Variants in HOXA1 observed in about 807,000 individuals in gnomAD.
HOXA1 encodes the protein homeobox A1.
HOXA1 carries 21 observed loss-of-function variants against 28.3 expected under a neutral mutation model. That is an observed-to-expected ratio of 0.74 (90% CI 0.53 to 1.07). The LOEUF is 1.07. Ranked by LOEUF, HOXA1 falls within the 50% of genes least tolerant of loss-of-function variation. The probability of loss-of-function intolerance (pLI) is 0.00; values close to 1 mark genes in which losing one functional copy is unlikely to be tolerated. For missense variants in HOXA1, 446 were observed against 434.3 expected, an observed-to-expected ratio of 1.03 and a Z score of -0.24; for synonymous variants, 208 against 181.2, an observed-to-expected ratio of 1.15 and a Z score of -1.19.
rs1239001756 is a variant in HOXA1 at position 27,094,538 on chromosome 7, C to T, written c.910G>A (p.Asp304Asn). The T allele has an allele frequency of 1.2e-6, 2 of 1,614,094 alleles. No individual in the cohort carries two copies. The highest frequency in any genetic ancestry group is 1.7e-5 in the Admixed American group (1 of 60,010). Residue 304 changes from aspartate (D) to asparagine (N), a missense_variant, in exon 2 of 2, where the codon GAC becomes AAC. Transcript: ENST00000643460. ...PISPATPPGN[D>N]EKAEESSEKS... ...TCTGAGGATTCCTCGGCCTTCTCGT[C>T]GTTTCCTGGCGGGGTGGCCGGAGAG...
In HOXA1 at chr7:27,094,812, A is replaced by G; in HGVS notation, c.653-17T>C. 1 of 1,592,594 alleles carries G rather than the reference A, an allele frequency of 6.3e-7. No homozygotes were observed. The highest frequency in any genetic ancestry group is 8.6e-7 in the Non-Finnish European group (1 of 1,160,968). On this transcript the variant is annotated splice_polypyrimidine_tract_variant and intron_variant, in intron 1 of 1. Coordinates refer to ENST00000643460, the MANE Select transcript of HOXA1 (RefSeq NM_005522.5). ...CAACTTTCCCTGGGGCAAAGTGGGAAGCCATGAGACGGAAATGTAAAAATT... is the reference window on the plus strand; with the variant it reads ...CAACTTTCCCTGGGGCAAAGTGGGAGGCCATGAGACGGAAATGTAAAAATT...
At position 27,095,894 on chromosome 7, in the gene HOXA1, T is replaced by C; in HGVS notation, c.19A>G (p.Asn7Asp). Residue 7 changes from asparagine (N) to aspartate (D), a missense_variant, in exon 1 of 2, where the codon AAC becomes GAC. Transcript: ENST00000643460. MDNARM[N>D]SFLEYPILSS... ...AGTATGGGGTATTCCAGGAAGGAGTTCATTCTTGCATTGTCCATCTGTCAC... is the reference window on the plus strand; with the variant it reads ...AGTATGGGGTATTCCAGGAAGGAGTCCATTCTTGCATTGTCCATCTGTCAC... 2 of 1,613,602 alleles carry C rather than the reference T, an allele frequency of 1.2e-6. 1 individual carries two copies. The highest frequency in any genetic ancestry group is 3.3e-4 in the Middle Eastern group (2 of 6,058).
In HOXA1 at chr7:27,095,236, G is replaced by A. The variant is rs550864825; in HGVS notation, c.652+25C>T. The A allele has an allele frequency of 1.3e-5, 21 of 1,611,530 alleles. No homozygotes were observed. The East Asian group carries it at 4.0e-4, about 31-fold the overall frequency. Reference sequence around the variant, plus strand: ...CAGCTCCTTCCAGAATAATCAAGGAGCATCCACCAACCAGCAGGACTGACC... The same window carrying A: ...CAGCTCCTTCCAGAATAATCAAGGAACATCCACCAACCAGCAGGACTGACC... On this transcript the variant is annotated intron_variant, in intron 1 of 1. Coordinates refer to ENST00000643460, the MANE Select transcript of HOXA1 (RefSeq NM_005522.5).
At position 27,094,657 on chromosome 7, in the gene HOXA1, G is replaced by A. The variant is rs1783775869; in HGVS notation, c.791C>T (p.Ala264Val). 4.3e-6 allele frequency: 7 copies of A among 1,614,164 alleles called. No homozygotes were observed. The highest frequency in any genetic ancestry group is 1.3e-5 in the African/African-American group (1 of 75,046). The stretch of plus-strand genomic sequence containing the variant: ...TTGGGTCTCGTTGAGCTGCAGGGAT[G>A]CAGCGATCTCCACCCTGCGGGCGCG... ...LTRARRVEIA[A>V]SLQLNETQVK... Residue 264 changes from alanine to valine, a missense_variant, in exon 2 of 2, where the codon GCA (alanine) becomes GTA (valine). Coordinates refer to ENST00000643460, the MANE Select transcript of HOXA1 (RefSeq NM_005522.5).
In HOXA1 at chr7:27,095,551, C is replaced by T; in HGVS notation, c.362G>A (p.Gly121Asp). ...YALNQEADVS[G>D]GYPQCAPAVY... ...AGCGGGAGCGCACTGGGGGTACCCA[C>T]CACTTACGTCTGCTTCCTGATTTAA... The change falls in exon 1 of 2, where the codon GGT (glycine) becomes GAT (aspartate). Residue 121 changes from glycine to aspartate, a missense_variant. Gly to Asp is a moderately conservative substitution (Grantham distance 94). Transcript: ENST00000643460. 1 of 1,614,148 alleles carries T rather than the reference C, an allele frequency of 6.2e-7. No individual in the cohort carries two copies. The highest frequency in any genetic ancestry group is 8.5e-7 in the Non-Finnish European group (1 of 1,180,042).
In HOXA1 at chr7:27,094,432, G is replaced by A. The variant is rs749201371; in HGVS notation, c.*8C>T. ...ATGCCTGGGCTGTTGTCTGGGGCTG[G>A]AGCCGCCTCAGTGGGAGGTAGTCAG... On this transcript the variant is annotated 3_prime_UTR_variant, in exon 2 of 2. Transcript: ENST00000643460. 8 of 1,600,916 alleles carry A rather than the reference G, an allele frequency of 5.0e-6. No homozygotes were observed. The South Asian group carries it at 7.7e-5, about 15-fold the overall frequency.
At position 27,094,207 on chromosome 7, in the gene HOXA1, C is replaced by T; in HGVS notation, c.*233G>A. On this transcript the variant is annotated 3_prime_UTR_variant, in exon 2 of 2. Coordinates refer to ENST00000643460, the MANE Select transcript of HOXA1 (RefSeq NM_005522.5). ...CCTAAAAGCAGGAGGGATGTTAAGG[C>T]CCACCAGAAAATGTATGCTGGCACC... 3 of 543,550 alleles carry T rather than the reference C, an allele frequency of 5.5e-6. No homozygotes were observed. The South Asian group carries it at 6.3e-5, about 11-fold the overall frequency. 33.7% of individuals were successfully genotyped at this position (543,550 alleles called of 1,614,324 possible).
chr7:27,095,709 G>A lies in HOXA1; in HGVS notation c.204C>T (p.His68=), dbSNP rs747419833. The change falls in exon 1 of 2, where the codon CAC becomes CAT. Residue 68 remains histidine (H), a synonymous_variant. Transcript: ENST00000643460. ...GCTGGGGGTGGCGATGGTGGTGGTG[G>A]TGGTGGTGGTGGGGCGAACCGATCT... The part of the protein sequence containing the change: ...GVQIGSPHHH[H]HHHHRHPQPA... 106 of 1,613,088 alleles carry A rather than the reference G, an allele frequency of 6.6e-5. No homozygotes were observed. Among genetic ancestry groups the A allele is most frequent in the South Asian group, 7.7e-5 (7 of 90,884 alleles).
In HOXA1 at chr7:27,095,886, G is replaced by A; in HGVS notation, c.27C>T (p.Phe9=). Residue 9 remains phenylalanine, a synonymous_variant, in exon 1 of 2, where the codon TTC becomes TTT. Transcript: ENST00000643460. The part of the protein sequence containing the change: MDNARMNS[F]LEYPILSSGD... ...CACTGCTAAGTATGGGGTATTCCAGGAAGGAGTTCATTCTTGCATTGTCCA... is the reference window on the plus strand; with the variant it reads ...CACTGCTAAGTATGGGGTATTCCAGAAAGGAGTTCATTCTTGCATTGTCCA... 6.2e-7 allele frequency: 1 copy of A among 1,613,728 alleles called. No homozygotes were observed. The highest frequency in any genetic ancestry group is 1.7e-5 in the Admixed American group (1 of 60,030).
chr7:27,095,718 G>A lies in HOXA1; in HGVS notation c.195C>T (p.His65=). The change falls in exon 1 of 2, where the codon CAC becomes CAT. Residue 65 remains histidine, a synonymous_variant. Transcript: ENST00000643460. ...GGCGATGGTGGTGGTGGTGGTGGTG[G>A]TGGGGCGAACCGATCTGCACCCCCC... ...VGRGVQIGSP[H]HHHHHHHRHP... The A allele has an allele frequency of 1.2e-6, 2 of 1,613,012 alleles. No homozygotes were observed. The highest frequency in any genetic ancestry group is 8.5e-7 in the Non-Finnish European group (1 of 1,179,632).
rs1350641296 is a variant in HOXA1 at position 27,095,720 on chromosome 7, G to A, written c.193C>T (p.His65Tyr). 12 of 1,613,512 alleles carry A rather than the reference G, an allele frequency of 7.4e-6. No individual in the cohort carries two copies. Among genetic ancestry groups the A allele is most frequent in the Non-Finnish European group, 9.3e-6 (11 of 1,179,850 alleles). ...VGRGVQIGSPHHHHHHHHRHP... is the reference protein window; with the variant it reads ...VGRGVQIGSPYHHHHHHHRHP... ...CGATGGTGGTGGTGGTGGTGGTGGTGGGGCGAACCGATCTGCACCCCCCTG... is the reference window on the plus strand; with the variant it reads ...CGATGGTGGTGGTGGTGGTGGTGGTAGGGCGAACCGATCTGCACCCCCCTG... The change falls in exon 1 of 2, where the codon CAC becomes TAC. Residue 65 changes from histidine to tyrosine, a missense_variant. Physicochemically the swap from His to Tyr is moderately conservative, Grantham distance 83. Transcript: ENST00000643460.
At chr7:27,095,020 T>C (rs1191744522) in intron 1 of HOXA1, among the ~76,000 whole-genome samples, 3 of 151,996 alleles carry the variant, frequency 2.0e-5, no homozygotes, top group Admixed American at 6.5e-5. Flanking sequence ...AACAGAACAC[T>C]ACCGTCACAA....
chr7:27,094,450 G>C lies in HOXA1; in HGVS notation c.998C>G (p.Thr333Ser). The part of the protein sequence containing the change: ...PGSSTSDTLT[T>S]SH Reference sequence around the variant, plus strand: ...GGGGCTGGAGCCGCCTCAGTGGGAGGTAGTCAGAGTGTCTGAGGTAGAAGA... The same window carrying C: ...GGGGCTGGAGCCGCCTCAGTGGGAGCTAGTCAGAGTGTCTGAGGTAGAAGA... Residue 333 changes from threonine to serine, a missense_variant, in exon 2 of 2, where the codon ACC becomes AGC. Physicochemically the swap from Thr to Ser is moderately conservative, Grantham distance 58. Coordinates refer to ENST00000643460, the MANE Select transcript of HOXA1 (RefSeq NM_005522.5). 1 of 1,612,192 alleles carries C rather than the reference G, an allele frequency of 6.2e-7. No individual in the cohort carries two copies. The highest frequency in any genetic ancestry group is 8.5e-7 in the Non-Finnish European group (1 of 1,178,280).
Position 27,095,829 on chromosome 7 carries a change from G to A in HOXA1, c.84C>T (p.Tyr28=), listed in dbSNP as rs104894017. 1 of 1,613,880 alleles carries A rather than the reference G, an allele frequency of 6.2e-7. No individual in the cohort carries two copies. Among genetic ancestry groups the A allele is most frequent in the Admixed American group, 1.7e-5 (1 of 60,030 alleles). Residue 28 remains tyrosine, a synonymous_variant, in exon 1 of 2, where the codon TAC becomes TAT. Transcript: ENST00000643460. ...GDSGTCSARA[Y]PSDHRITTFQ... Reference sequence around the variant, plus strand: ...AAGTTGTAATCCTATGGTCCGAGGGGTAGGCTCGGGCTGAGCAGGTCCCCG... The same window carrying A: ...AAGTTGTAATCCTATGGTCCGAGGGATAGGCTCGGGCTGAGCAGGTCCCCG...
At position 27,094,305 on chromosome 7, in the gene HOXA1, C is replaced by T. The variant is rs1783764053; in HGVS notation, c.*135G>A. The T allele has an allele frequency of 1.4e-6, 1 of 713,328 alleles. No individual in the cohort carries two copies. Among genetic ancestry groups the T allele is most frequent in the African/African-American group, 1.8e-5 (1 of 56,450 alleles). The allele number at this position is 713,328 out of a possible 1,614,324, so 44.2% of individuals were successfully genotyped here. The stretch of plus-strand genomic sequence containing the variant: ...TTATCTGCAAATATATTATCCTGGC[C>T]AGGAGCTCCCCAGATAGGATTAGAA... On this transcript the variant is annotated 3_prime_UTR_variant, in exon 2 of 2. Transcript: ENST00000643460.
At position 27,093,184 on chromosome 7, in the gene HOXA1, A is replaced by C. The variant is rs1783743845; in HGVS notation, c.*1256T>G. 6.6e-6 allele frequency: 1 copy of C among 152,654 alleles called. No individual in the cohort carries two copies. Among genetic ancestry groups the C allele is most frequent in the Non-Finnish European group, 1.5e-5 (1 of 68,038 alleles). 9.5% of individuals were successfully genotyped at this position (152,654 alleles called of 1,614,324 possible). On this transcript the variant is annotated 3_prime_UTR_variant, in exon 2 of 2. Coordinates refer to ENST00000643460, the MANE Select transcript of HOXA1 (RefSeq NM_005522.5). ...AGGAGCTGTTATTAACTTTTATTCA[A>C]GAAAAGGCCCATCTCTTTGAAAATA... is the stretch of plus-strand genomic sequence containing the variant.
rs543799175 is a variant in HOXA1 at position 27,094,382 on chromosome 7, G to A, written c.*58C>T. 1 of 1,132,032 alleles carries A rather than the reference G, an allele frequency of 8.8e-7. No homozygotes were observed. The highest frequency in any genetic ancestry group is 1.3e-6 in the Non-Finnish European group (1 of 741,306). The allele number at this position is 1,132,032 out of a possible 1,614,324, so 70.1% of individuals were successfully genotyped here. On this transcript the variant is annotated 3_prime_UTR_variant, in exon 2 of 2. Coordinates refer to ENST00000643460, the MANE Select transcript of HOXA1 (RefSeq NM_005522.5). The stretch of plus-strand genomic sequence containing the variant: ...GAAAGATAAGCTAAGCATGTGCTTT[G>A]GGTAAGAAGTCCCAGCCCAAGGAGA...
At position 27,094,074 on chromosome 7, in the gene HOXA1, A is replaced by G. The variant is rs1349760809; in HGVS notation, c.*366T>C. ...AGGACAAGGGAGGGGAGAGCTGTAC[A>G]TATAGTTAGATAAAAGATGAGAAGA... On this transcript the variant is annotated 3_prime_UTR_variant, in exon 2 of 2. Coordinates refer to ENST00000643460, the MANE Select transcript of HOXA1 (RefSeq NM_005522.5). 3.4e-6 allele frequency: 1 copy of G among 297,122 alleles called. No individual in the cohort carries two copies. The highest frequency in any genetic ancestry group is 2.2e-5 in the African/African-American group (1 of 46,272). The allele number at this position is 297,122 out of a possible 1,614,324, so 18.4% of individuals were successfully genotyped here.
At position 27,094,789 on chromosome 7, in the gene HOXA1, A is replaced by G. The variant is rs1192787765; in HGVS notation, c.659T>C (p.Val220Ala). The G allele has an allele frequency of 1.9e-6, 3 of 1,613,488 alleles. No homozygotes were observed. The highest frequency in any genetic ancestry group is 2.5e-6 in the Non-Finnish European group (3 of 1,179,744). Residue 220 changes from valine (V) to alanine (A), a missense_variant, in exon 2 of 2, where the codon GTT becomes GCT. Transcript: ENST00000643460. ...TTGACCCAGGTAGCCGTACTCTCCA[A>G]CTTTCCCTGGGGCAAAGTGGGAAGC... ...VKRNPPKTGK[V>A]GEYGYLGQPN...
Sources: allele counts gnomAD v4.1 joint callset (sites outside exome capture counted in the v4.1 genomes callset), GRCh38; gene constraint gnomAD v4.1.1; transcripts MANE v1.5; gene names NCBI Gene and HGNC (gene_info 2026-07-23, HGNC 2026-07-21).